The following EDAR variants were observed in gnomAD, a reference collection of about 807,000 sequenced individuals.
EDAR encodes ectodysplasin A receptor.
EDAR carries 38 observed loss-of-function variants against 51.3 expected under a neutral mutation model. The observed-to-expected ratio is 0.74, with a 90% CI of 0.57 to 0.97. EDAR has a LOEUF of 0.97. Ranked by LOEUF, EDAR falls within the 50% of genes least tolerant of loss-of-function variation. EDAR has a pLI of 0.00. For synonymous variants in EDAR, 227 were observed against 242.1 expected, an observed-to-expected ratio of 0.94 and a Z score of 0.58; for missense variants, 528 against 595.0, an observed-to-expected ratio of 0.89 and a Z score of 1.17.
rs1696804238 is a variant in EDAR at position 108,906,311 on chromosome 2, C to T, written c.1021G>A (p.Glu341Lys). The T allele has an allele frequency of 6.2e-7, 1 of 1,614,120 alleles. No individual in the cohort carries two copies. The highest frequency in any genetic ancestry group is 1.1e-5 in the South Asian group (1 of 91,092). The change falls in exon 11 of 12, where the codon GAA (glutamate) becomes AAA (lysine). Residue 341 changes from glutamate to lysine, a missense_variant. Physicochemically the swap from Glu to Lys is moderately conservative, Grantham distance 56 (BLOSUM62 1). Coordinates refer to ENST00000258443, the MANE Select transcript of EDAR (RefSeq NM_022336.4). ...DVYANVCGVV[E>K]GLSPTELPFD... Reference sequence around the variant, plus strand: ...CCAGGCTTTTTTTTCAGCTTACCTTCCACGACTCCACACACGTTGGCATAC... The same window carrying T: ...CCAGGCTTTTTTTTCAGCTTACCTTTCACGACTCCACACACGTTGGCATAC...
At chr2:108,961,604 A>G (rs1698047369) in intron 1 of EDAR, among the ~76,000 whole-genome samples, 1 of 152,230 alleles carries the variant, frequency 6.6e-6, no homozygotes, top group Non-Finnish European at 1.5e-5. Flanking sequence ...ACATTAAAAA[A>G]GCACTCACTG....
chr2:108,896,810 G>T lies in EDAR; in HGVS notation c.*97C>A. 1 of 1,243,500 alleles carries T rather than the reference G, an allele frequency of 8.0e-7. No individual in the cohort carries two copies. The highest frequency in any genetic ancestry group is 1.1e-6 in the Non-Finnish European group (1 of 884,474). The allele number at this position is 1,243,500 out of a possible 1,614,324, so 77.0% of individuals were successfully genotyped here. ...AGGCATACGGTGACATATCACAAAAGCCTTGATTCTTGGCAGTCTTTTGGC... is the reference window on the plus strand; with the variant it reads ...AGGCATACGGTGACATATCACAAAATCCTTGATTCTTGGCAGTCTTTTGGC... On this transcript the variant is annotated 3_prime_UTR_variant, in exon 12 of 12. Transcript: ENST00000258443.
chr2:108,924,746 C>G (rs115356077), intron 4 of EDAR, among the ~76,000 whole-genome samples: 2 of 152,202 alleles, frequency 1.3e-5, no homozygotes, highest in African/African-American at 4.8e-5. Context: ...ATTAACCAAT[C>G]TCAAAACACC....
rs73952568 is a variant in EDAR, at chr2:108,950,558, A to G, written c.-18-19526T>C. Among the ~76,000 whole-genome samples the G allele has an allele frequency of 4.5e-3, 681 of 152,344 alleles. 6 individuals are homozygous for G. The highest frequency in any genetic ancestry group is 0.015 in the African/African-American group (637 of 41,588). ...GTTTATTCGTTCATATTCTGACATG[A>G]TGTAGCTGAAAGCTGGACAGTGTGT... On this transcript the variant is annotated intron_variant, in intron 1 of 11. Transcript: ENST00000258443.
intron 1 of EDAR, among the ~76,000 whole-genome samples, chr2:108,944,850 G>A (rs1308833481): frequency 6.6e-6 from 1 of 152,188 alleles, no homozygotes; most frequent in Admixed American, 6.5e-5. Flanking sequence ...TCCCAGGCCA[G>A]GAGCTATGGT....
intron 5 of EDAR, among the ~76,000 whole-genome samples, chr2:108,921,310 C>G (rs1391158929): frequency 6.6e-6 from 1 of 152,196 alleles, no homozygotes; most frequent in Non-Finnish European, 1.5e-5. Flanking sequence ...GACCCATTGT[C>G]TGCTGTAGCT....
At chr2:108,944,677 G>A (rs1697680596) in intron 1 of EDAR, among the ~76,000 whole-genome samples, 1 of 152,172 alleles carries the variant, frequency 6.6e-6, no homozygotes, top group South Asian at 2.1e-4. Context: ...AACAAGGAGA[G>A]GCCCTGGGTC....
chr2:108,977,292 G>T (rs987630696), intron 1 of EDAR, among the ~76,000 whole-genome samples: 2 of 151,964 alleles, frequency 1.3e-5, no homozygotes, highest in African/African-American at 4.8e-5. Context: ...TTTTTGAGAT[G>T]GAGTCTCGCT....
intron 3 of EDAR, among the ~76,000 whole-genome samples, chr2:108,929,767 G>T (rs967784658): frequency 8.5e-5 from 13 of 152,202 alleles, no homozygotes; most frequent in Admixed American, 3.3e-4. Flanking sequence ...CTTGCCCAGA[G>T]GCGGAGGGAG....
At chr2:108,960,942 C>A (rs1384723680) in intron 1 of EDAR, among the ~76,000 whole-genome samples, 1 of 152,204 alleles carries the variant, frequency 6.6e-6, no homozygotes, top group African/African-American at 2.4e-5. Flanking sequence ...CAAAGTTTTT[C>A]ACTATTATAA....
chr2:108,969,564 G>T (rs1171450222), intron 1 of EDAR, among the ~76,000 whole-genome samples: 1 of 152,140 alleles, frequency 6.6e-6, no homozygotes, highest in East Asian at 1.9e-4. Context: ...TGTAAAATGG[G>T]GGTCATTCTG....
At chr2:108,920,706 G>T (rs1022453314) in intron 5 of EDAR, among the ~76,000 whole-genome samples, 2 of 152,184 alleles carry the variant, frequency 1.3e-5, no homozygotes, top group African/African-American at 4.8e-5. Flanking sequence ...AAACTGGAAT[G>T]ATTTTATTCC....
In EDAR at chr2:108,895,589, T is replaced by C. The variant is rs1022396786; in HGVS notation, c.*1318A>G. On this transcript the variant is annotated 3_prime_UTR_variant, in exon 12 of 12. Transcript: ENST00000258443. ...ATTTAAATGGACAAACCACACTGTG[T>C]TGACTTCCATAGAGCACCTCAAAGG... 1 of 152,266 alleles carries C rather than the reference T, an allele frequency of 6.6e-6. No homozygotes were observed. 9.4% of individuals were successfully genotyped at this position (152,266 alleles called of 1,614,324 possible).
intron 5 of EDAR, among the ~76,000 whole-genome samples, chr2:108,914,224 C>A (rs559316208): frequency 6.6e-6 from 1 of 152,000 alleles, no homozygotes; most frequent in East Asian, 1.9e-4. Flanking sequence ...CACACCACTG[C>A]ACTCTAGCCT....
intron 11 of EDAR, among the ~76,000 whole-genome samples, chr2:108,900,036 A>G (rs755889069): frequency 7.9e-5 from 12 of 152,194 alleles, no homozygotes; most frequent in Non-Finnish European, 1.3e-4. Flanking sequence ...ATATGTGTCA[A>G]TGCAATGTCT....
chr2:108,942,591 G>T (rs1206904013), intron 1 of EDAR, among the ~76,000 whole-genome samples: 1 of 152,252 alleles, frequency 6.6e-6, no homozygotes, highest in Admixed American at 6.5e-5. Flanking sequence ...TTCATTTTGT[G>T]AGTCTGCGCT....
intron 5 of EDAR, among the ~76,000 whole-genome samples, chr2:108,919,214 G>A (rs963972285): frequency 7.9e-5 from 12 of 152,168 alleles, no homozygotes; most frequent in South Asian, 6.2e-4. Flanking sequence ...CACAAGAGAC[G>A]GAAACCACGG....
chr2:108,969,321 C>T (rs1465037059), intron 1 of EDAR, among the ~76,000 whole-genome samples: 1 of 152,130 alleles, frequency 6.6e-6, no homozygotes, highest in African/African-American at 2.4e-5. Flanking sequence ...TTGAAATTAC[C>T]CACTTTCTTG....
intron 1 of EDAR, among the ~76,000 whole-genome samples, chr2:108,951,266 C>T (rs1007960828): frequency 2.0e-5 from 3 of 152,166 alleles, no homozygotes; most frequent in Non-Finnish European, 2.9e-5. Context: ...TTGACCAGGC[C>T]AATGCCATGT....
Sources: allele counts gnomAD v4.1 joint callset (sites outside exome capture counted in the v4.1 genomes callset), GRCh38; gene constraint gnomAD v4.1.1; transcripts MANE v1.5; gene names NCBI Gene and HGNC (gene_info 2026-07-23, HGNC 2026-07-21).